Variants in APP observed in about 807,000 individuals in gnomAD.
APP encodes the protein amyloid-beta precursor protein.
APP carries 31 observed loss-of-function variants against 101.4 expected under a neutral mutation model. The observed-to-expected ratio is 0.31, with a 90% confidence interval of 0.23 to 0.41. The LOEUF is 0.41. Among genes scored for constraint, APP ranks in the 10% least tolerant of loss-of-function variants. The pLI is 1.00. For missense variants in APP, 839 were observed against 1,003.7 expected, an observed-to-expected ratio of 0.84 and a Z score of 2.22; for synonymous variants, 366 against 364.4, an observed-to-expected ratio of 1.00 and a Z score of -0.05.
intron 3 of APP, among the ~76,000 whole-genome samples, chr21:26,067,309 A>G (rs2046495028): frequency 6.6e-6 from 1 of 152,122 alleles, no homozygotes; most frequent in African/African-American, 2.4e-5. Flanking sequence ...TGGGTTTTTT[A>G]TACTCACAGC....
chr21:26,032,783 T>A (rs1010139024), intron 5 of APP, among the ~76,000 whole-genome samples: 12 of 106,128 alleles, frequency 1.1e-4, no homozygotes, highest in Admixed American at 1.3e-4. Context: ...TTCTTGGGGC[T>A]TATTATTTTA....
At chr21:26,129,634 T>C (rs1426140839) in intron 1 of APP, among the ~76,000 whole-genome samples, 3 of 152,168 alleles carry the variant, frequency 2.0e-5, no homozygotes, top group African/African-American at 7.2e-5. Flanking sequence ...GATTCCTAAA[T>C]TGCATTTGTG....
At chr21:26,048,231 G>C (rs549745577) in intron 5 of APP, among the ~76,000 whole-genome samples, 2 of 152,220 alleles carry the variant, frequency 1.3e-5, no homozygotes, top group African/African-American at 4.8e-5. Flanking sequence ...GCTGAGGCAG[G>C]AGAATCGCTT....
intron 3 of APP, among the ~76,000 whole-genome samples, chr21:26,080,784 A>G (rs1568948834): frequency 6.6e-6 from 1 of 151,470 alleles, no homozygotes; most frequent in South Asian, 2.1e-4. Flanking sequence ...AAAAAAAAAA[A>G]GAAAAAAAAA....
chr21:26,052,642 A>G (rs1251440140), intron 4 of APP, among the ~76,000 whole-genome samples: 3 of 152,236 alleles, frequency 2.0e-5, no homozygotes, highest in Non-Finnish European at 4.4e-5. Context: ...TCAAGATGGT[A>G]GGCATGGCCT....
chr21:25,895,051 G>C (rs764216518), intron 16 of APP, among the ~76,000 whole-genome samples: 1 of 150,672 alleles, frequency 6.6e-6, no homozygotes, highest in Non-Finnish European at 1.5e-5. Context: ...AGACTCAGAT[G>C]ATCATTAGCA....
intron 6 of APP, among the ~76,000 whole-genome samples, chr21:26,012,265 C>T (rs1390723070): frequency 6.6e-6 from 1 of 152,050 alleles, no homozygotes; most frequent in Non-Finnish European, 1.5e-5. Flanking sequence ...TCCCAAAGTG[C>T]TGGGATAACA....
At chr21:26,136,206 G>GAAAGAAAGAAAGAAAGAAAGAA in intron 1 of APP, among the ~76,000 whole-genome samples, 1 of 115,326 alleles carries the variant, frequency 8.7e-6, no homozygotes, top group Non-Finnish European at 1.8e-5. Flanking sequence ...AGAAAGAAAA[G>GAAAGAAAGAAAGAAAGAAAGAA]AAAAGAAAGA....
intron 13 of APP, among the ~76,000 whole-genome samples, chr21:25,939,916 A>G (rs915502308): frequency 7.9e-5 from 12 of 152,188 alleles, no homozygotes; most frequent in African/African-American, 2.9e-4. Flanking sequence ...GTATATTAGG[A>G]GCATCTCCTT....
At chr21:25,900,987 C>CAAAAAAAAAAAAAAAAAAAAA (rs71183520) in intron 15 of APP, among the ~76,000 whole-genome samples, 39 of 118,550 alleles carry the variant, frequency 3.3e-4, no homozygotes, top group East Asian at 3.2e-3. Context: ...GACTCCATCT[C>CAAAAAAAAAAAAAAAAAAAAA]AAAAAAAAAA....
chr21:25,974,855 AGT>A (rs2042166441), intron 11 of APP, among the ~76,000 whole-genome samples: 1 of 152,188 alleles, frequency 6.6e-6, no homozygotes, highest in African/African-American at 2.4e-5. Context: ...TCTGTGGGGA[AGT>A]GTGAGTACCT....
chr21:26,083,588 C>G (rs796567677), intron 3 of APP, among the ~76,000 whole-genome samples: 6 of 152,296 alleles, frequency 3.9e-5, no homozygotes, highest in African/African-American at 1.4e-4. Context: ...AGAGAAATTT[C>G]TTTTGAGCAC....
At chr21:26,004,073 G>A (rs1271732610) in intron 6 of APP, among the ~76,000 whole-genome samples, 2 of 152,144 alleles carry the variant, frequency 1.3e-5, no homozygotes, top group East Asian at 3.8e-4. Flanking sequence ...TGAGGGTAGG[G>A]TCAGCACCAG....
chr21:26,022,321 C>T (rs1217512169), intron 5 of APP, among the ~76,000 whole-genome samples: 6 of 151,964 alleles, frequency 3.9e-5, no homozygotes, highest in South Asian at 2.1e-4. Flanking sequence ...AAAAGATCAG[C>T]GGTTGCCAGT....
At chr21:26,027,479 G>A (rs2044630575) in intron 5 of APP, among the ~76,000 whole-genome samples, 1 of 152,342 alleles carries the variant, frequency 6.6e-6, no homozygotes, top group African/African-American at 2.4e-5. Context: ...TTAGGAAAAT[G>A]TTTCCGGGGA....
intron 13 of APP, chr21:25,934,377 A>G (rs1218478470): frequency 1.3e-5 from 2 of 152,208 alleles, no homozygotes; most frequent in African/African-American, 2.4e-5. Context: ...GTAAGTGAAT[A>G]TTAGCTATTT....
chr21:25,884,658 A>G (rs905422148), intron 17 of APP, among the ~76,000 whole-genome samples: 2 of 152,210 alleles, frequency 1.3e-5, no homozygotes, highest in East Asian at 3.8e-4. Context: ...TTTGCTCCCC[A>G]TCACCTCGAA....
intron 3 of APP, among the ~76,000 whole-genome samples, chr21:26,053,726 A>T (rs1232161974): frequency 6.6e-6 from 1 of 152,222 alleles, no homozygotes. Flanking sequence ...GAGCAGAATC[A>T]ATATAAATCC....
chr21:26,152,217 G>A (rs1326262987), intron 1 of APP, among the ~76,000 whole-genome samples: 5 of 142,014 alleles, frequency 3.5e-5, no homozygotes, highest in Non-Finnish European at 6.0e-5. Flanking sequence ...CCCGGGAGGC[G>A]GAGCTTGCAG....
Sources: gnomAD v4.1 joint callset for allele counts (sites outside exome capture counted in the v4.1 genomes callset) on GRCh38, gnomAD v4.1.1 for gene constraint, MANE v1.5 for transcripts, NCBI Gene and HGNC (gene_info 2026-07-23, HGNC 2026-07-21) for gene names.